GALNT13: variants seen among roughly 807,000 people sequenced by gnomAD.
The protein encoded by GALNT13 is UDP-GalNAc:polypeptide N-acetylgalactosaminyltransferase 13.
A neutral mutation model predicts 64.2 loss-of-function variants in GALNT13; 28 were observed. The observed-to-expected ratio is 0.44, with a 90% confidence interval of 0.32 to 0.60. The LOEUF is 0.60. Among genes scored for constraint, GALNT13 ranks in the 20% least tolerant of loss-of-function variants. GALNT13 has a pLI of 0.05. For synonymous variants in GALNT13, 214 were observed against 224.6 expected (o/e 0.95, Z 0.42); for missense variants, 577 against 669.8 (o/e 0.86, Z 1.53).
chr2:153,982,267 A>T (rs1183904111), intron 3 of GALNT13, among the ~76,000 whole-genome samples: 1 of 152,112 alleles, frequency 6.6e-6, no homozygotes, highest in African/African-American at 2.4e-5. Flanking sequence ...ATTTGCAAGG[A>T]CGGAAATGTA....
chr2:154,453,030 C>G lies in GALNT13; in HGVS notation c.*2479C>G, dbSNP rs1000852302. 6.6e-6 allele frequency: 1 copy of G among 152,282 alleles called. No individual in the cohort carries two copies. Among genetic ancestry groups the G allele is most frequent in the East Asian group, 1.9e-4 (1 of 5,176 alleles). 9.4% of individuals were successfully genotyped at this position (152,282 alleles called of 1,614,324 possible). A position where few individuals can be genotyped will look rare whatever the true frequency, so the allele number is the denominator to read the frequency against. ...CCTCTATTTCTGTTTCAACTCTCGT[C>G]TAATCCAACAGCAAATCCCCTTGAT... On this transcript the variant is annotated 3_prime_UTR_variant, in exon 13 of 13. Coordinates refer to ENST00000392825, the MANE Select transcript of GALNT13 (RefSeq NM_052917.4).
chr2:153,969,506 A>G (rs976574234), intron 3 of GALNT13, among the ~76,000 whole-genome samples: 46 of 152,200 alleles, frequency 3.0e-4, no homozygotes, highest in African/African-American at 1.1e-3. Context: ...ATAGATTGTT[A>G]CAATTATAAT....
chr2:154,071,624 A>G (rs940423745), intron 3 of GALNT13, among the ~76,000 whole-genome samples: 2 of 152,260 alleles, frequency 1.3e-5, no homozygotes, highest in African/African-American at 2.4e-5. Flanking sequence ...CCCCAGGCCA[A>G]TACTCATGGT....
At chr2:153,125,698 G>A in the GALNT13 span, among the ~76,000 whole-genome samples, 1 of 152,166 alleles carries the variant, frequency 6.6e-6, no homozygotes, top group African/African-American at 2.4e-5. Context: ...ATACATAAAA[G>A]TACGCAGTAA....
chr2:153,876,421 G>A (rs970308612), intron 1 of GALNT13, among the ~76,000 whole-genome samples: 17 of 152,020 alleles, frequency 1.1e-4, no homozygotes, highest in Admixed American at 1.1e-3. Flanking sequence ...GAAAAGTCTG[G>A]TTTTTCATTG....
the GALNT13 span, among the ~76,000 whole-genome samples, chr2:153,681,633 T>C: frequency 6.6e-6 from 1 of 151,792 alleles, no homozygotes; most frequent in East Asian, 1.9e-4. Context: ...AGTCTTTTGC[T>C]ATCTCTCTTT....
At chr2:154,074,649 G>A (rs1266861410) in intron 3 of GALNT13, among the ~76,000 whole-genome samples, 1 of 151,776 alleles carries the variant, frequency 6.6e-6, no homozygotes, top group Non-Finnish European at 1.5e-5. Flanking sequence ...GAAAACTTCA[G>A]GCCAATATCC....
chr2:153,958,629 G>T (rs923374118), intron 3 of GALNT13, among the ~76,000 whole-genome samples: 3 of 152,206 alleles, frequency 2.0e-5, no homozygotes, highest in Admixed American at 6.5e-5. Flanking sequence ...GATCTCTACA[G>T]AGGGTTTTGG....
chr2:154,265,614 G>A (rs933154887), intron 8 of GALNT13, among the ~76,000 whole-genome samples: 3 of 152,176 alleles, frequency 2.0e-5, no homozygotes, highest in South Asian at 2.1e-4. Context: ...CAGGAGAATC[G>A]CTTGAACCCA....
chr2:153,143,952 T>A, the GALNT13 span, among the ~76,000 whole-genome samples: 3 of 152,028 alleles, frequency 2.0e-5, no homozygotes, highest in African/African-American at 7.2e-5. Flanking sequence ...CTTAGCATCC[T>A]CACCCTAGGC....
intron 3 of GALNT13, among the ~76,000 whole-genome samples, chr2:153,989,908 C>T (rs759564268): frequency 3.3e-5 from 5 of 151,714 alleles, no homozygotes; most frequent in Non-Finnish European, 5.9e-5. Flanking sequence ...GAATTAACTC[C>T]AGTATGAAAT....
At chr2:154,065,762 A>G (rs1237600162) in intron 3 of GALNT13, among the ~76,000 whole-genome samples, 1 of 152,182 alleles carries the variant, frequency 6.6e-6, no homozygotes, top group East Asian at 1.9e-4. Flanking sequence ...AAGGACAGGT[A>G]TGAACAAGCC....
chr2:153,320,035 A>C, the GALNT13 span, among the ~76,000 whole-genome samples: 1 of 152,166 alleles, frequency 6.6e-6, no homozygotes, highest in Non-Finnish European at 1.5e-5. Flanking sequence ...TTATCTATGG[A>C]TCTTTTTAAA....
the GALNT13 span, among the ~76,000 whole-genome samples, chr2:153,488,980 GA>G: frequency 6.6e-6 from 1 of 152,104 alleles, no homozygotes; most frequent in African/African-American, 2.4e-5. Flanking sequence ...CCAGAACTGT[GA>G]TAAATAAATT....
the GALNT13 span, among the ~76,000 whole-genome samples, chr2:153,729,984 G>C: frequency 6.6e-6 from 1 of 151,854 alleles, no homozygotes; most frequent in Non-Finnish European, 1.5e-5. Flanking sequence ...TGGAATGGGA[G>C]AATCAATATT....
At chr2:153,673,875 G>A in the GALNT13 span, among the ~76,000 whole-genome samples, 1 of 152,154 alleles carries the variant, frequency 6.6e-6, no homozygotes, top group Non-Finnish European at 1.5e-5. Flanking sequence ...CAGAATCACT[G>A]TGCAAAAATC....
chr2:153,971,062 G>T (rs1000873718), intron 3 of GALNT13, among the ~76,000 whole-genome samples: 1 of 152,076 alleles, frequency 6.6e-6, no homozygotes, highest in Non-Finnish European at 1.5e-5. Flanking sequence ...AGTCACATTG[G>T]CTTTCTTGCT....
At chr2:154,079,839 A>G (rs1701181015) in intron 3 of GALNT13, among the ~76,000 whole-genome samples, 7 of 151,736 alleles carry the variant, frequency 4.6e-5, no homozygotes, top group Admixed American at 2.6e-4. Context: ...ATCATCGAAC[A>G]TAGAAAATTA....
At chr2:154,146,881 T>C (rs1683635914) in intron 4 of GALNT13, among the ~76,000 whole-genome samples, 1 of 152,112 alleles carries the variant, frequency 6.6e-6, no homozygotes, top group African/African-American at 2.4e-5. Flanking sequence ...TTTTAAAACG[T>C]CATATAAACC....
Sources: gnomAD v4.1 joint callset for allele counts (sites outside exome capture counted in the v4.1 genomes callset) on GRCh38, gnomAD v4.1.1 for gene constraint, MANE v1.5 for transcripts, NCBI Gene and HGNC (gene_info 2026-07-23, HGNC 2026-07-21) for gene names.